UGT1A5: variants seen among roughly 807,000 people sequenced by gnomAD.
UGT1A5 encodes the protein UDP glucuronosyltransferase family 1 member A5, also known as UDP-glucuronosyltransferase 1A5.
UGT1A5 carries 29 observed loss-of-function variants against 40.3 expected under a neutral mutation model. The ratio of observed to expected loss-of-function variants is 0.72; its 90% confidence interval spans 0.54 to 0.98. UGT1A5 has a LOEUF of 0.98. Among genes scored for constraint, UGT1A5 ranks in the 50% least tolerant of loss-of-function variants. The pLI is 0.00. For synonymous variants in UGT1A5, 257 were observed against 262.5 expected (o/e 0.98, Z 0.20); for missense variants, 678 against 677.9 (o/e 1.00, Z 0.00).
intron 1 of UGT1A5, chr2:233,721,756 A>G (rs2076969655): frequency 2.2e-6 from 1 of 460,672 alleles, no homozygotes. Flanking sequence ...ATCTACATCT[A>G]AATTGTTATA....
rs28899184 is a variant in UGT1A5 at position 233,714,555 on chromosome 2, A to T, written c.867+697A>T. Among the ~76,000 whole-genome samples the T allele has an allele frequency of 4.8e-3, 733 of 152,370 alleles. 10 individuals carry two copies. Among genetic ancestry groups the T allele is most frequent in the African/African-American group, 0.017 (698 of 41,588 alleles). ...TCTAATACCGAAGTGTCCAATAGAA[A>T]TATCATGTAAACCACATACATAATT... On this transcript the variant is annotated intron_variant, in intron 1 of 4. Transcript: ENST00000373414.
At chr2:233,724,935 G>A (rs1212268731) in intron 1 of UGT1A5, among the ~76,000 whole-genome samples, 1 of 143,666 alleles carries the variant, frequency 7.0e-6, no homozygotes, top group South Asian at 2.5e-4. Flanking sequence ...ACGAGACTCC[G>A]TCTGCAATCC....
At chr2:233,757,847 T>C (rs529889907) in intron 1 of UGT1A5, among the ~76,000 whole-genome samples, 12 of 152,082 alleles carry the variant, frequency 7.9e-5, no homozygotes, top group African/African-American at 2.7e-4. Context: ...CTAACTTATG[T>C]CTTCAGCTTA....
chr2:233,755,339 G>A (rs2125934548), intron 1 of UGT1A5: 7 of 431,136 alleles, frequency 1.6e-5, no homozygotes, highest in South Asian at 1.2e-4. Flanking sequence ...CCGCGCACAG[G>A]TCAGAGGCTT....
chr2:233,737,653 G>C (rs567057644), intron 1 of UGT1A5, among the ~76,000 whole-genome samples: 4 of 152,320 alleles, frequency 2.6e-5, no homozygotes, highest in African/African-American at 9.6e-5. Context: ...CATGCTGGGA[G>C]CTGCAGATCG....
At chr2:233,720,018 G>C (rs2076822730) in intron 1 of UGT1A5, among the ~76,000 whole-genome samples, 1 of 152,130 alleles carries the variant, frequency 6.6e-6, no homozygotes, top group Middle Eastern at 3.2e-3. Flanking sequence ...ATCCATCCTG[G>C]GGTTTTTGCT....
rs562159767 is a variant in UGT1A5, at chr2:233,728,334, A to G, written c.867+14476A>G. On this transcript the variant is annotated intron_variant, in intron 1 of 4. Transcript: ENST00000373414. ...TCTGAGGCCAGGCTCCAGCTCCCCC[A>G]GTCCCTTGGTGAGCAGGAGCTCCCT... Among the ~76,000 whole-genome samples, 5 of 152,308 alleles carry G rather than the reference A, an allele frequency of 3.3e-5. No homozygotes were observed. The South Asian group carries it at 6.2e-4, about 19-fold the overall frequency.
chr2:233,732,744 C>T (rs1207999893), intron 1 of UGT1A5, among the ~76,000 whole-genome samples: 2 of 150,716 alleles, frequency 1.3e-5, no homozygotes, highest in Non-Finnish European at 2.9e-5. Context: ...TAGCATGATG[C>T]CACCAGCTTT....
At chr2:233,765,778 A>G (rs1698945501) in intron 1 of UGT1A5, among the ~76,000 whole-genome samples, 2 of 152,070 alleles carry the variant, frequency 1.3e-5, no homozygotes, top group African/African-American at 2.4e-5. Context: ...GATTCATTGG[A>G]CCACTGAAAA....
intron 1 of UGT1A5, chr2:233,719,524 C>A: frequency 6.2e-7 from 1 of 1,613,952 alleles, no homozygotes; most frequent in South Asian, 1.1e-5. Flanking sequence ...GCAAGTCTTG[C>A]CTCTGAGCTT....
intron 1 of UGT1A5, among the ~76,000 whole-genome samples, chr2:233,739,207 A>C (rs1231996785): frequency 6.6e-6 from 1 of 152,240 alleles, no homozygotes; most frequent in African/African-American, 2.4e-5. Context: ...CGTTTGCTGC[A>C]TGGATAGAGT....
chr2:233,740,218 G>C (rs908803369), intron 1 of UGT1A5, among the ~76,000 whole-genome samples: 7 of 151,840 alleles, frequency 4.6e-5, no homozygotes, highest in Non-Finnish European at 8.8e-5. Flanking sequence ...AGTCTCAGCT[G>C]CGTCTTTATA....
At chr2:233,727,811 G>C (rs1024803216) in intron 1 of UGT1A5, among the ~76,000 whole-genome samples, 4 of 152,210 alleles carry the variant, frequency 2.6e-5, no homozygotes, top group African/African-American at 9.7e-5. Context: ...CATGGGTTCT[G>C]TCCAAAGGTG....
At position 233,744,967 on chromosome 2, in the gene UGT1A5, CTTT is replaced by C. The variant is rs1270032038; in HGVS notation, c.868-22066_868-22064del. On this transcript the variant is annotated intron_variant, in intron 1 of 4. Transcript: ENST00000373414. ...TTGTATATAACCTACCAATATCCTTCTTTAAGCCTCTAGTCATCTCTTGATTAC... is the reference window on the plus strand; with the variant it reads ...TTGTATATAACCTACCAATATCCTTCAAGCCTCTAGTCATCTCTTGATTAC... Among the ~76,000 whole-genome samples the C allele has an allele frequency of 3.3e-5, 5 of 151,902 alleles. No individual in the cohort carries two copies. In the East Asian group the frequency reaches 9.6e-4, roughly 29 times the overall value.
chr2:233,722,629 T>C (rs892720273), intron 1 of UGT1A5, among the ~76,000 whole-genome samples: 4 of 152,210 alleles, frequency 2.6e-5, no homozygotes, highest in African/African-American at 7.2e-5. Flanking sequence ...TAATGAAGCA[T>C]TGAGGGCTCG....
chr2:233,727,233 T>C (rs17864698), intron 1 of UGT1A5, among the ~76,000 whole-genome samples: 72 of 152,246 alleles, frequency 4.7e-4, no homozygotes, highest in Non-Finnish European at 7.8e-4. Context: ...TGCGGATGGC[T>C]CCAAGTCTAT....
chr2:233,719,335 T>C lies in UGT1A5; in HGVS notation c.867+5477T>C, dbSNP rs759894236. 4 of 1,613,958 alleles carry C rather than the reference T, an allele frequency of 2.5e-6. No individual in the cohort carries two copies. In the Admixed American group the frequency reaches 6.7e-5, roughly 27 times the overall value. On this transcript the variant is annotated intron_variant, in intron 1 of 4. Transcript: ENST00000373414. ...TACCTGTCGATTCCTGCTGTGTTTT[T>C]TTGGAGGTACATTCCATGTGACTTA...
intron 1 of UGT1A5, chr2:233,743,791 C>G: frequency 7.3e-7 from 1 of 1,367,342 alleles, no homozygotes; most frequent in Non-Finnish European, 9.8e-7. Flanking sequence ...ATCTCCTCTC[C>G]GCTTCCTCCT....
intron 1 of UGT1A5, among the ~76,000 whole-genome samples, chr2:233,759,961 C>T (rs1009122794): frequency 6.6e-6 from 1 of 152,158 alleles, no homozygotes; most frequent in Non-Finnish European, 1.5e-5. Context: ...ACATAGTCGT[C>T]CTTCTTCCTC....
Sources: gnomAD v4.1 joint callset for allele counts (sites outside exome capture counted in the v4.1 genomes callset) on GRCh38, gnomAD v4.1.1 for gene constraint, MANE v1.5 for transcripts, NCBI Gene and HGNC (gene_info 2026-07-23, HGNC 2026-07-21) for gene names.